The following SNX24 variants were observed in gnomAD, a reference collection of about 807,000 sequenced individuals.
SNX24 encodes the protein sorting nexin-24.
SNX24 carries 22 observed loss-of-function variants against 28.7 expected under a neutral mutation model. The observed-to-expected ratio is 0.77, with a 90% CI of 0.55 to 1.10. The LOEUF is 1.10. SNX24 is among the 50% of genes least tolerant of loss of function. The pLI, the probability that SNX24 is intolerant of heterozygous loss-of-function variation, is 0.00. For missense variants in SNX24, 221 were observed against 201.1 expected, an observed-to-expected ratio of 1.10 and a Z score of -0.60; for synonymous variants, 69 against 71.5, an observed-to-expected ratio of 0.96 and a Z score of 0.18.
At chr5:123,002,879 TAAC>T (rs1350240288) in intron 6 of SNX24, among the ~76,000 whole-genome samples, 9 of 152,220 alleles carry the variant, frequency 5.9e-5, no homozygotes, top group Admixed American at 3.3e-4. Flanking sequence ...TTAATTTCCT[TAAC>T]AACCTTGTGA....
chr5:123,026,938 T>C (rs1390827052), intron 5 of SNX24, among the ~76,000 whole-genome samples: 2 of 152,138 alleles, frequency 1.3e-5, no homozygotes, highest in East Asian at 3.9e-4. Flanking sequence ...CTCACACCTG[T>C]AATCCCAGCA....
chr5:122,999,990 A>G lies in SNX24; in HGVS notation c.328A>G (p.Lys110Glu). 2 of 1,606,552 alleles carry G rather than the reference A, an allele frequency of 1.2e-6. No homozygotes were observed. Among genetic ancestry groups the G allele is most frequent in the Non-Finnish European group, 1.7e-6 (2 of 1,173,160 alleles). The change falls in exon 4 of 7, where the codon AAG becomes GAG. Residue 110 changes from lysine to glutamate, a missense_variant. By Grantham distance (56) the Lys-to-Glu change is moderately conservative. Transcript: ENST00000261369. ...LNVRHLPSLPKAESCGSFDET... is the reference protein window; with the variant it reads ...LNVRHLPSLPEAESCGSFDET... ...TGTGCGACACTTGCCCTCTCTACCA[A>G]AGGCAGAAAGTTGTGGGTAAGAATC...
intron 1 of SNX24, among the ~76,000 whole-genome samples, chr5:122,856,327 T>C (rs111672896): frequency 6.6e-6 from 1 of 152,314 alleles, no homozygotes; most frequent in African/African-American, 2.4e-5. Flanking sequence ...GGCTGCACAG[T>C]ATTCCATGGC....
intron 3 of SNX24, among the ~76,000 whole-genome samples, chr5:122,957,848 T>C (rs1415726555): frequency 6.6e-6 from 1 of 152,240 alleles, no homozygotes. Flanking sequence ...TATATCAAAA[T>C]GTAATTGATT....
chr5:122,890,502 C>T (rs1353420098), intron 1 of SNX24, among the ~76,000 whole-genome samples: 8 of 147,512 alleles, frequency 5.4e-5, no homozygotes, highest in African/African-American at 2.0e-4. Flanking sequence ...CGGAATCTCA[C>T]TCTGTGGCCC....
chr5:122,970,350 G>A lies in SNX24; in HGVS notation c.249+24191G>A, dbSNP rs181707412. ...CCCGTTTAGAATGCGGCATACTCTT[G>A]CTTGTGGGGTATATATCTCTGATCG... On this transcript the variant is annotated intron_variant, in intron 3 of 6. Transcript: ENST00000261369. Among the ~76,000 whole-genome samples, 634 of 151,990 alleles carry A rather than the reference G, an allele frequency of 4.2e-3. 6 individuals are homozygous for A. Among genetic ancestry groups the A allele is most frequent in the South Asian group, 7.7e-3 (37 of 4,788 alleles).
At chr5:122,847,671 T>A (rs1269202906) in intron 1 of SNX24, among the ~76,000 whole-genome samples, 1 of 152,054 alleles carries the variant, frequency 6.6e-6, no homozygotes, top group East Asian at 1.9e-4. Flanking sequence ...TTTTTAAATT[T>A]TTTGTAGAGA....
At chr5:122,863,521 CT>C (rs1179469789) in intron 1 of SNX24, among the ~76,000 whole-genome samples, 2 of 145,614 alleles carry the variant, frequency 1.4e-5, no homozygotes, top group Admixed American at 6.8e-5. Flanking sequence ...GTTGGCTTTT[CT>C]TTTTTCTTTT....
Position 123,000,142 on chromosome 5 carries a change from C to T in SNX24, c.344+136C>T, listed in dbSNP as rs567896007. ...CTCTTTTGGCTTGCTGCAGCACTCG[C>T]TCGCCCCCTGCTTTTGGTTAAAAGA... On this transcript the variant is annotated intron_variant, in intron 4 of 6. Transcript: ENST00000261369. 400 of 653,602 alleles carry T rather than the reference C, an allele frequency of 6.1e-4. 1 individual carries two copies. In the East Asian group the frequency reaches 9.3e-3, roughly 15 times the overall value. The allele number at this position is 653,602 out of a possible 1,614,324, so 40.5% of individuals were successfully genotyped here.
At chr5:122,975,081 T>C (rs1461150631) in intron 3 of SNX24, among the ~76,000 whole-genome samples, 1 of 152,232 alleles carries the variant, frequency 6.6e-6, no homozygotes, top group African/African-American at 2.4e-5. Context: ...CAGACTTTTC[T>C]TGATTCTCCA....
intron 1 of SNX24, among the ~76,000 whole-genome samples, chr5:122,877,997 C>G (rs997302334): frequency 6.6e-6 from 1 of 152,094 alleles, no homozygotes; most frequent in Non-Finnish European, 1.5e-5. Flanking sequence ...TCTGGCTTTT[C>G]CTGGACTGGC....
At chr5:122,935,706 T>G (rs1759151476) in intron 1 of SNX24, among the ~76,000 whole-genome samples, 2 of 128,078 alleles carry the variant, frequency 1.6e-5, no homozygotes, top group South Asian at 5.9e-4. Flanking sequence ...AATGAAGATG[T>G]GCGACCTTGT....
chr5:122,916,704 G>A (rs541020791), intron 1 of SNX24, among the ~76,000 whole-genome samples: 1 of 152,156 alleles, frequency 6.6e-6, no homozygotes, highest in Non-Finnish European at 1.5e-5. Flanking sequence ...CTTAACAGTG[G>A]TGTGTTGTCT....
At chr5:122,862,601 CAAAA>C (rs1211312668) in intron 1 of SNX24, among the ~76,000 whole-genome samples, 1 of 56,056 alleles carries the variant, frequency 1.8e-5, no homozygotes, top group African/African-American at 6.7e-5. Flanking sequence ...GACTCTGTCT[CAAAA>C]AAAAAAAAAA....
chr5:123,018,410 T>A (rs1762715817), intron 5 of SNX24, among the ~76,000 whole-genome samples: 1 of 152,066 alleles, frequency 6.6e-6, no homozygotes, highest in South Asian at 2.1e-4. Context: ...GATATCTGGA[T>A]CCTGGAAATA....
At chr5:122,862,321 A>T (rs1381573101) in intron 1 of SNX24, among the ~76,000 whole-genome samples, 1 of 152,112 alleles carries the variant, frequency 6.6e-6, no homozygotes, top group Non-Finnish European at 1.5e-5. Context: ...TGACAAAAGA[A>T]AAAAAAGAAA....
chr5:122,968,294 C>G (rs1308529567), intron 3 of SNX24, among the ~76,000 whole-genome samples: 3 of 152,306 alleles, frequency 2.0e-5, no homozygotes, highest in African/African-American at 4.8e-5. Context: ...TTGCAGCAAG[C>G]TGAGATCATG....
At chr5:122,954,883 G>C (rs1760137781) in intron 3 of SNX24, among the ~76,000 whole-genome samples, 1 of 151,868 alleles carries the variant, frequency 6.6e-6, no homozygotes, top group Non-Finnish European at 1.5e-5. Flanking sequence ...AATTATCCTG[G>C]TTTCTTGAAT....
chr5:122,869,775 GT>G (rs567864109), intron 1 of SNX24, among the ~76,000 whole-genome samples: 1 of 152,066 alleles, frequency 6.6e-6, no homozygotes, highest in African/African-American at 2.4e-5. Flanking sequence ...CATTGTCTGT[GT>G]TTTTTCCATT....
Sources: allele counts gnomAD v4.1 joint callset (sites outside exome capture counted in the v4.1 genomes callset), GRCh38; gene constraint gnomAD v4.1.1; transcripts MANE v1.5; gene names NCBI Gene and HGNC (gene_info 2026-07-23, HGNC 2026-07-21).